Variants in NKAIN3 observed in about 807,000 individuals in gnomAD.
NKAIN3 encodes sodium/potassium-transporting ATPase subunit beta-1-interacting protein 3.
In NKAIN3, 25 loss-of-function variants were observed where a neutral mutation model predicts 30.2. The ratio of observed to expected loss-of-function variants is 0.83; its 90% CI spans 0.60 to 1.16. The LOEUF (loss-of-function observed/expected upper bound fraction) is 1.16. NKAIN3 is among the 50% of genes most tolerant of loss of function. The probability of loss-of-function intolerance (pLI) is 0.00; values close to 1 mark genes in which losing one functional copy is unlikely to be tolerated. For synonymous variants in NKAIN3, 91 were observed against 89.6 expected, an observed-to-expected ratio of 1.02 and a Z score of -0.09; for missense variants, 225 against 254.1, an observed-to-expected ratio of 0.89 and a Z score of 0.78.
intron 5 of NKAIN3, among the ~76,000 whole-genome samples, chr8:62,930,474 G>A (rs868170081): frequency 1.1e-4 from 17 of 151,536 alleles, no homozygotes; most frequent in Non-Finnish European, 2.1e-4. Context: ...GGCTGGTCTC[G>A]AACTCCTGAC....
At chr8:62,660,802 T>G (rs552771440) in intron 3 of NKAIN3, among the ~76,000 whole-genome samples, 1 of 152,274 alleles carries the variant, frequency 6.6e-6, no homozygotes, top group Non-Finnish European at 1.5e-5. Flanking sequence ...ATCCTCTAAG[T>G]CCACATACCT....
intron 4 of NKAIN3, among the ~76,000 whole-genome samples, chr8:62,783,941 G>A (rs781192124): frequency 6.6e-6 from 1 of 151,920 alleles, no homozygotes; most frequent in Non-Finnish European, 1.5e-5. Flanking sequence ...CACCGTGTCT[G>A]GCCCAGAATA....
chr8:62,249,100 G>C lies in NKAIN3; in HGVS notation c.27G>C (p.Ser9=). The C allele has an allele frequency of 6.5e-7, 1 of 1,539,194 alleles. No homozygotes were observed. Among genetic ancestry groups the C allele is most frequent in the Non-Finnish European group, 8.7e-7 (1 of 1,144,178 alleles). MGCCTGRC[S]LICLCALQLV... ...TGGGCTGCTGCACCGGACGCTGCTC[G>C]CTCATCTGCCTCTGCGCGCTGCAGT... The change falls in exon 1 of 7, where the codon TCG becomes TCC. Residue 9 remains serine (S), a synonymous_variant. Transcript: ENST00000623646.
chr8:62,494,434 G>T (rs1447256335), intron 1 of NKAIN3, among the ~76,000 whole-genome samples: 3 of 151,974 alleles, frequency 2.0e-5, no homozygotes, highest in Non-Finnish European at 2.9e-5. Flanking sequence ...AATATTTTGA[G>T]GATTTTTGCA....
chr8:62,556,151 G>A (rs377764973), intron 1 of NKAIN3, among the ~76,000 whole-genome samples: 1 of 151,980 alleles, frequency 6.6e-6, no homozygotes, highest in East Asian at 1.9e-4. Context: ...CACTAACATT[G>A]ACTGAATAAA....
At chr8:62,426,413 C>CTTATG (rs1300118644) in intron 1 of NKAIN3, among the ~76,000 whole-genome samples, 1 of 151,968 alleles carries the variant, frequency 6.6e-6, no homozygotes, top group Non-Finnish European at 1.5e-5. Context: ...TCTGCTTCTT[C>CTTATG]AAAGGCCAAA....
intron 4 of NKAIN3, among the ~76,000 whole-genome samples, chr8:62,848,064 C>A (rs528993573): frequency 6.6e-6 from 1 of 152,068 alleles, no homozygotes; most frequent in Non-Finnish European, 1.5e-5. Context: ...TAGTACAATG[C>A]CATTTTGGTT....
chr8:62,850,670 A>G (rs1424402621), intron 4 of NKAIN3, among the ~76,000 whole-genome samples: 1 of 148,690 alleles, frequency 6.7e-6, no homozygotes, highest in Non-Finnish European at 1.5e-5. Flanking sequence ...AGCTTTCCAC[A>G]TATGGCTAGC....
intron 1 of NKAIN3, among the ~76,000 whole-genome samples, chr8:62,364,828 C>A (rs1380394321): frequency 1.1e-3 from 71 of 63,740 alleles, no homozygotes; most frequent in African/African-American, 2.4e-3. Flanking sequence ...GACTCCACTA[C>A]AAAAAAAAAA....
At chr8:62,517,493 C>T (rs1051357706) in intron 1 of NKAIN3, among the ~76,000 whole-genome samples, 2 of 152,004 alleles carry the variant, frequency 1.3e-5, no homozygotes, top group African/African-American at 4.8e-5. Flanking sequence ...AAAGAGAATA[C>T]CGTATGATTT....
chr8:62,813,753 A>G (rs1818572559), intron 4 of NKAIN3, among the ~76,000 whole-genome samples: 1 of 152,028 alleles, frequency 6.6e-6, no homozygotes, highest in Non-Finnish European at 1.5e-5. Flanking sequence ...AGTAAACTTC[A>G]TAACTGGGCA....
rs938479122 is a variant in NKAIN3 at position 62,413,157 on chromosome 8, G to C, written c.54+164030G>C. Among the ~76,000 whole-genome samples, 12 of 152,150 alleles carry C rather than the reference G, an allele frequency of 7.9e-5. 1 individual carries two copies. Among genetic ancestry groups the C allele is most frequent in the Admixed American group, 7.9e-4 (12 of 15,264 alleles). On this transcript the variant is annotated intron_variant, in intron 1 of 6. Transcript: ENST00000623646. ...AGTCAAAACCGACAGATGCTGGCCAGGCTGTAGATAAAAGGGAGCACTTAT... is the reference window on the plus strand; with the variant it reads ...AGTCAAAACCGACAGATGCTGGCCACGCTGTAGATAAAAGGGAGCACTTAT...
intron 1 of NKAIN3, among the ~76,000 whole-genome samples, chr8:62,286,969 T>G (rs1347998498): frequency 6.6e-6 from 1 of 151,756 alleles, no homozygotes; most frequent in East Asian, 2.0e-4. Context: ...ACATCTTATA[T>G]GAAGGGCTGA....
At chr8:62,804,572 C>A (rs2130701467) in intron 4 of NKAIN3, among the ~76,000 whole-genome samples, 1 of 152,264 alleles carries the variant, frequency 6.6e-6, no homozygotes, top group African/African-American at 2.4e-5. Flanking sequence ...TCAATAGATG[C>A]AGAAAAGGCC....
intron 4 of NKAIN3, among the ~76,000 whole-genome samples, chr8:62,903,904 G>A (rs1295449841): frequency 6.6e-6 from 1 of 152,084 alleles, no homozygotes; most frequent in African/African-American, 2.4e-5. Flanking sequence ...TCATGAGAAT[G>A]GCATGGGGGA....
intron 1 of NKAIN3, among the ~76,000 whole-genome samples, chr8:62,281,523 A>G (rs1398214045): frequency 6.6e-6 from 1 of 152,096 alleles, no homozygotes; most frequent in Non-Finnish European, 1.5e-5. Context: ...AGTGCTATAA[A>G]TTTCCCTCTA....
chr8:62,603,674 C>T (rs1354043195), intron 3 of NKAIN3, among the ~76,000 whole-genome samples: 3 of 152,026 alleles, frequency 2.0e-5, no homozygotes, highest in African/African-American at 7.2e-5. Flanking sequence ...TAGTGTCTTG[C>T]ACACATATGG....
rs191333152 is a variant in NKAIN3 at position 62,307,238 on chromosome 8, C to T, written c.54+58111C>T. Among the ~76,000 whole-genome samples the T allele has an allele frequency of 3.0e-3, 443 of 147,524 alleles. 3 individuals are homozygous for T. Among genetic ancestry groups the T allele is most frequent in the Non-Finnish European group, 4.1e-3 (276 of 67,720 alleles). Reference sequence around the variant, plus strand: ...GTTTAACAAAACACAGCTTTTTGTCCCCTTATAGTTTAATTCATTCTCTTC... The same window carrying T: ...GTTTAACAAAACACAGCTTTTTGTCTCCTTATAGTTTAATTCATTCTCTTC... On this transcript the variant is annotated intron_variant, in intron 1 of 6. Transcript: ENST00000623646.
chr8:62,430,216 A>T (rs759583434), intron 1 of NKAIN3, among the ~76,000 whole-genome samples: 3 of 151,822 alleles, frequency 2.0e-5, no homozygotes, highest in African/African-American at 4.8e-5. Flanking sequence ...ATCCCATTTT[A>T]TAGGTACATT....
Sources: allele counts gnomAD v4.1 joint callset (sites outside exome capture counted in the v4.1 genomes callset), GRCh38; gene constraint gnomAD v4.1.1; transcripts MANE v1.5; gene names NCBI Gene and HGNC (gene_info 2026-07-23, HGNC 2026-07-21).